The following TTC34 variants were observed in gnomAD, a reference collection of about 807,000 sequenced individuals.
The protein encoded by TTC34 is tetratricopeptide repeat domain 34.
Under a neutral mutation model 40.7 loss-of-function variants are expected in TTC34, and 44 were observed. The observed-to-expected ratio is 1.08, with a 90% CI of 0.85 to 1.39. The LOEUF is 1.39. TTC34 is among the 40% of genes most tolerant of loss of function. TTC34 has a pLI of 0.00. For synonymous variants in TTC34, 422 were observed against 398.6 expected (o/e 1.06, Z -0.70); for missense variants, 884 against 838.0 (o/e 1.05, Z -0.68).
At chr1:2,675,407 G>A (rs1639869852) in intron 6 of TTC34, among the ~76,000 whole-genome samples, 1 of 115,120 alleles carries the variant, frequency 8.7e-6, no homozygotes, top group Non-Finnish European at 1.9e-5. Context: ...CGCAACCCCA[G>A]GTGAGCATCT....
At chr1:2,660,169 G>T (rs1328050590) in intron 6 of TTC34, among the ~76,000 whole-genome samples, 1 of 50,566 alleles carries the variant, frequency 2.0e-5, no homozygotes, top group Non-Finnish European at 3.4e-5. Flanking sequence ...GCATCTGATG[G>T]CCTGGAACAG....
intron 6 of TTC34, among the ~76,000 whole-genome samples, chr1:2,782,168 C>T (rs758897900): frequency 6.6e-6 from 1 of 152,150 alleles, no homozygotes; most frequent in Non-Finnish European, 1.5e-5. Flanking sequence ...ATTACTGACT[C>T]AATCTTTTTA....
At chr1:2,699,324 G>GGC in intron 6 of TTC34, among the ~76,000 whole-genome samples, 1 of 12,682 alleles carries the variant, frequency 7.9e-5, no homozygotes, top group South Asian at 2.1e-3. Context: ...TGGAGCAGCA[G>GGC]CCACAACTCC....
intron 6 of TTC34, among the ~76,000 whole-genome samples, chr1:2,773,130 A>ATG (rs1642559365): frequency 8.4e-6 from 1 of 118,522 alleles, no homozygotes; most frequent in African/African-American, 3.2e-5. Context: ...CTGGAGCAGC[A>ATG]CACACAACCC....
chr1:2,783,590 G>T lies in TTC34; in HGVS notation c.2226+19C>A, dbSNP rs1357373190. On this transcript the variant is annotated intron_variant, in intron 6 of 8. Transcript: ENST00000401095. ...CCCACCCGTGCTTGCCCAGGCCCAG[G>T]TCAGGAGTGGGGCGGCACCTGCAGC... The T allele has an allele frequency of 2.2e-6, 3 of 1,389,158 alleles. No homozygotes were observed. The highest frequency in any genetic ancestry group is 1.9e-6 in the Non-Finnish European group (2 of 1,055,028). The allele number at this position is 1,389,158 out of a possible 1,614,324, so 86.1% of individuals were successfully genotyped here.
intron 6 of TTC34, among the ~76,000 whole-genome samples, chr1:2,751,125 T>TAC (rs1641305143): frequency 2.7e-5 from 1 of 36,704 alleles, no homozygotes; most frequent in Non-Finnish European, 5.1e-5. Flanking sequence ...CAGCACCCTG[T>TAC]ACCCCCAGGG....
At chr1:2,653,689 CCCCCAGG>C (rs1639233632) in intron 6 of TTC34, among the ~76,000 whole-genome samples, 1 of 6,506 alleles carries the variant, frequency 1.5e-4, no homozygotes, top group African/African-American at 2.8e-4. Flanking sequence ...AGCACCCACA[CCCCCAGG>C]TGAGCATCTG....
chr1:2,655,613 C>A (rs1362908416), intron 6 of TTC34, among the ~76,000 whole-genome samples: 1 of 151,966 alleles, frequency 6.6e-6, no homozygotes, highest in African/African-American at 2.4e-5. Context: ...GCACGCTGCA[C>A]CCCCAAGTGA....
At chr1:2,755,562 A>C (rs1185686692) in intron 6 of TTC34, among the ~76,000 whole-genome samples, 483 of 33,386 alleles carry the variant, frequency 0.014, 34 homozygotes, top group African/African-American at 0.027. Context: ...AGCATCTGAA[A>C]CCACGGAGCA....
At chr1:2,687,177 A>T (rs1286080019) in intron 6 of TTC34, among the ~76,000 whole-genome samples, 2 of 142,838 alleles carry the variant, frequency 1.4e-5, no homozygotes, top group Admixed American at 1.4e-4. Context: ...ACAGGCGAGC[A>T]TCTGAACCCA....
Position 2,645,170 on chromosome 1 carries a change from G to T in TTC34, c.2497+123C>A. 2 of 1,213,408 alleles carry T rather than the reference G, an allele frequency of 1.6e-6. No individual in the cohort carries two copies. Among genetic ancestry groups the T allele is most frequent in the Non-Finnish European group, 1.1e-6 (1 of 931,092 alleles). The allele number at this position is 1,213,408 out of a possible 1,614,324, so 75.2% of individuals were successfully genotyped here. A position where few individuals can be genotyped will look rare whatever the true frequency, so the allele number is the denominator to read the frequency against. ...AGGTCATGGGATTTGGGGTGGAAGG[G>T]ACCTTGGAAGCTGTTGTGGTCCGGG... On this transcript the variant is annotated intron_variant, in intron 7 of 8. Coordinates refer to ENST00000401095, the Ensembl canonical transcript of TTC34. The surrounding 1 kb of genome is among the most constrained non-coding windows in gnomAD (Gnocchi z 4.7).
intron 6 of TTC34, among the ~76,000 whole-genome samples, chr1:2,695,849 T>TCCGACAGCCTGGAGCAGAACCCACACCC (rs1640839993): frequency 6.8e-6 from 1 of 148,080 alleles, no homozygotes; most frequent in Non-Finnish European, 1.5e-5. Context: ...CAGGTGAACA[T>TCCGACAGCCTGGAGCAGAACCCACACCC]CCGACAGCCT....
chr1:2,783,353 C>T (rs571706905), intron 6 of TTC34, among the ~76,000 whole-genome samples: 1 of 152,210 alleles, frequency 6.6e-6, no homozygotes, highest in East Asian at 1.9e-4. Context: ...ACCCCTAGTA[C>T]CTCTGAAGGC....
chr1:2,769,730 C>A (rs1398941172), intron 6 of TTC34, among the ~76,000 whole-genome samples: 1 of 146,546 alleles, frequency 6.8e-6, no homozygotes, highest in African/African-American at 2.6e-5. Flanking sequence ...GAGCATCTGA[C>A]AGCCTGGAGC....
chr1:2,775,843 G>T (rs1444450474), intron 6 of TTC34, among the ~76,000 whole-genome samples: 20 of 143,996 alleles, frequency 1.4e-4, no homozygotes, highest in African/African-American at 5.4e-4. Context: ...CCTGGGTGAG[G>T]ATGCTCACCT....
intron 6 of TTC34, among the ~76,000 whole-genome samples, chr1:2,764,125 GGAACAGAACCCCACTCTTCCA>G (rs1641719173): frequency 6.9e-6 from 1 of 145,276 alleles, no homozygotes; most frequent in Non-Finnish European, 1.5e-5. Context: ...CTGACAGCCT[GGAACAGAACCCCACTCTTCCA>G]GGTGAGAATC....
intron 6 of TTC34, among the ~76,000 whole-genome samples, chr1:2,646,534 G>A (rs2100989582): frequency 6.6e-6 from 1 of 152,260 alleles, no homozygotes; most frequent in East Asian, 1.9e-4. Flanking sequence ...ACAGGCACAT[G>A]CCACCACACC....
At chr1:2,653,645 C>CACACCCCAGGTGAGCATCTG (rs1557586741) in intron 6 of TTC34, among the ~76,000 whole-genome samples, 1 of 150,972 alleles carries the variant, frequency 6.6e-6, no homozygotes, top group Admixed American at 6.6e-5. Flanking sequence ...GAGCAGCATC[C>CACACCCCAGGTGAGCATCTG]ACACCCCCAG....
intron 6 of TTC34, among the ~76,000 whole-genome samples, chr1:2,684,557 C>A (rs1021312806): frequency 1.4e-5 from 2 of 141,596 alleles, no homozygotes; most frequent in African/African-American, 5.8e-5. Flanking sequence ...GCTCCCACAA[C>A]CCCAGGTGAG....
Sources: allele counts gnomAD v4.1 joint callset (sites outside exome capture counted in the v4.1 genomes callset), GRCh38; gene constraint gnomAD v4.1.1; non-coding constraint Gnocchi (gnomAD v3.1); transcripts MANE v1.5; gene names NCBI Gene and HGNC (gene_info 2026-07-23, HGNC 2026-07-21).